The following RNF19B variants were observed in gnomAD, a reference collection of about 807,000 sequenced individuals.
The protein encoded by RNF19B is E3 ubiquitin-protein ligase RNF19B.
Under a neutral mutation model 65.5 loss-of-function variants are expected in RNF19B, and 23 were observed. The observed-to-expected ratio is 0.35, with a 90% CI of 0.25 to 0.50. The LOEUF (loss-of-function observed/expected upper bound fraction) is 0.50, where lower values mean the gene tolerates loss of function less well. RNF19B is among the 20% of genes least tolerant of loss of function. The pLI is 0.98. For missense variants in RNF19B, 794 were observed against 980.0 expected, an observed-to-expected ratio of 0.81 and a Z score of 2.53; for synonymous variants, 372 against 379.6, an observed-to-expected ratio of 0.98 and a Z score of 0.23.
chr1:32,962,530 G>A (rs1246337269), intron 1 of RNF19B, among the ~76,000 whole-genome samples: 4 of 152,072 alleles, frequency 2.6e-5, no homozygotes, highest in African/African-American at 9.7e-5. Context: ...AACAAGTTTG[G>A]CAGAATTAAA....
At chr1:32,955,070 A>G (rs1182368560) in intron 1 of RNF19B, among the ~76,000 whole-genome samples, 1 of 152,136 alleles carries the variant, frequency 6.6e-6, no homozygotes, top group East Asian at 1.9e-4. Context: ...CAATTATTTT[A>G]TAACACTTAC....
chr1:32,944,317 G>C (rs1437418392), intron 5 of RNF19B, among the ~76,000 whole-genome samples, 158 bp from the exon 6 acceptor site: 1 of 152,188 alleles, frequency 6.6e-6, no homozygotes, highest in Non-Finnish European at 1.5e-5. Flanking sequence ...ATGATGACCA[G>C]GCTAGAAATC....
chr1:32,934,305 G>A (rs1289989723), downstream of RNF19B, among the ~76,000 whole-genome samples: 1 of 152,226 alleles, frequency 6.6e-6, no homozygotes, highest in Non-Finnish European at 1.5e-5. Flanking sequence ...AAGTCATCTG[G>A]TCTTCAGGGA....
chr1:32,932,715 C>T (rs75450288), downstream of RNF19B, among the ~76,000 whole-genome samples: 739 of 152,274 alleles, frequency 4.9e-3, 4 homozygotes, highest in African/African-American at 0.016. Context: ...CTCCTCCTGG[C>T]CCAAAGAAAT....
intron 4 of RNF19B, 46 bp downstream of exon 4, chr1:32,946,356 G>T: frequency 1.9e-6 from 3 of 1,572,524 alleles, no homozygotes; most frequent in South Asian, 1.1e-5. Flanking sequence ...CTTTACTAAC[G>T]AACCTAAAGT....
chr1:32,938,469 C>A lies in RNF19B; in HGVS notation c.1670G>T (p.Gly557Val). ...EIFPKDTASL[G>V]AISDNASTRA... ...AGTGCTTGCGTTGTCACTAATTGCA[C>A]CAAGACTGGCTGTGTCTTTGGGGAA... is the stretch of plus-strand genomic sequence containing the variant. The change falls in exon 8 of 9, where the codon GGT becomes GTT. Residue 557 changes from glycine to valine, a missense_variant. Around this residue, in one of 3 missense-constraint regions of RNF19B, gnomAD observed 368 missense variants for 447.3 expected, o/e 0.82. Coordinates refer to ENST00000235150, the MANE Select transcript of RNF19B (RefSeq NM_001300826.2). 6.2e-7 allele frequency: 1 copy of A among 1,614,198 alleles called. No homozygotes were observed. The highest frequency in any genetic ancestry group is 8.5e-7 in the Non-Finnish European group (1 of 1,180,036).
downstream of RNF19B, among the ~76,000 whole-genome samples, chr1:32,934,591 G>C (rs1642067374): frequency 6.6e-6 from 1 of 152,050 alleles, no homozygotes; most frequent in African/African-American, 2.4e-5. Context: ...TGAGACTTGA[G>C]AATCACTTGA....
At chr1:32,953,582 T>G (rs1038799998) in intron 1 of RNF19B, among the ~76,000 whole-genome samples, 1 of 152,054 alleles carries the variant, frequency 6.6e-6, no homozygotes, top group African/African-American at 2.4e-5. Flanking sequence ...TTAAAACTCT[T>G]TTCAGAAAGA....
chr1:32,938,857 C>A (rs1642169593), intron 7 of RNF19B, among the ~76,000 whole-genome samples: 1 of 152,162 alleles, frequency 6.6e-6, no homozygotes, highest in African/African-American at 2.4e-5. Flanking sequence ...TGAATAAAGA[C>A]CCAATCACTC....
At chr1:32,933,207 CTGTA>C (rs138841400), downstream of RNF19B, among the ~76,000 whole-genome samples, 1 of 152,134 alleles carries the variant, frequency 6.6e-6, no homozygotes, top group African/African-American at 2.4e-5. Flanking sequence ...TGAATGAAGG[CTGTA>C]TGAAGAGGAA....
chr1:32,941,299 C>T (rs893558734), intron 7 of RNF19B, among the ~76,000 whole-genome samples: 2 of 152,090 alleles, frequency 1.3e-5, no homozygotes, highest in Non-Finnish European at 2.9e-5. Context: ...AATCCCAGCA[C>T]TTTGGGAGGC....
chr1:32,936,768 A>C lies in RNF19B; in HGVS notation c.*38T>G. ...AAAAAAAATTCCAAAAGATGCAGTT[A>C]CAAGTGTGCTTCTCAGAACAGGAGC... On this transcript the variant is annotated 3_prime_UTR_variant, in exon 9 of 9. Transcript: ENST00000235150. The C allele has an allele frequency of 6.8e-7, 1 of 1,461,580 alleles. No individual in the cohort carries two copies. Among genetic ancestry groups the C allele is most frequent in the Non-Finnish European group, 9.1e-7 (1 of 1,101,674 alleles). 90.5% of individuals were successfully genotyped at this position (1,461,580 alleles called of 1,614,324 possible).
intron 8 of RNF19B, 188 bp downstream of exon 8, chr1:32,938,209 C>T: frequency 4.5e-6 from 2 of 441,568 alleles, no homozygotes; most frequent in Non-Finnish European, 4.0e-6. Flanking sequence ...AAAAATCAAG[C>T]GCTAACAAGA....
At chr1:32,956,269 C>A (rs570461932) in intron 1 of RNF19B, among the ~76,000 whole-genome samples, 2 of 152,090 alleles carry the variant, frequency 1.3e-5, no homozygotes. Flanking sequence ...CCCAGCTACT[C>A]GGGAGGCTGA....
At position 32,946,516 on chromosome 1, in the gene RNF19B, C is replaced by T; in HGVS notation, c.1032G>A (p.Lys344=). 3.1e-6 allele frequency: 5 copies of T among 1,614,170 alleles called. No homozygotes were observed. Among genetic ancestry groups the T allele is most frequent in the Non-Finnish European group, 4.2e-6 (5 of 1,180,020 alleles). Residue 344 remains lysine (K), a synonymous_variant, in exon 4 of 9, where the codon AAG becomes AAA. Coordinates refer to ENST00000235150, the MANE Select transcript of RNF19B (RefSeq NM_001300826.2). ...FWGKKPWSRK[K]KILWQLGTLI... ...ACGTGCCCAGCTGCCAAAGAATTTT[C>T]TTCTTACGGCTCCATGGCTTCTTGC...
downstream of RNF19B, among the ~76,000 whole-genome samples, chr1:32,933,262 T>A (rs930301605): frequency 3.5e-5 from 5 of 144,818 alleles, no homozygotes; most frequent in African/African-American, 7.3e-5. Context: ...TTATTATTTT[T>A]TTTTTTTTGT....
chr1:32,941,470 G>C (rs753161582), intron 7 of RNF19B, among the ~76,000 whole-genome samples: 1 of 152,146 alleles, frequency 6.6e-6, no homozygotes, highest in African/African-American at 2.4e-5. Flanking sequence ...AACCCAGGAG[G>C]TGGAGGCTGC....
At chr1:32,946,888 C>T (rs1363768277) in intron 3 of RNF19B, among the ~76,000 whole-genome samples, 1 of 152,196 alleles carries the variant, frequency 6.6e-6, no homozygotes, top group Admixed American at 6.5e-5. Context: ...TGCTGCATAG[C>T]CTTATGCACT....
chr1:32,960,718 T>G (rs1269826176), intron 1 of RNF19B, among the ~76,000 whole-genome samples: 1 of 152,020 alleles, frequency 6.6e-6, no homozygotes, highest in Admixed American at 6.6e-5. Context: ...TTTTTTTTCC[T>G]GGCATTAAAA....
Sources: gnomAD v4.1 joint callset for allele counts (sites outside exome capture counted in the v4.1 genomes callset) on GRCh38, gnomAD v4.1.1 for gene constraint, gnomAD v4.1.1 regional missense constraint, MANE v1.5 for transcripts, NCBI Gene and HGNC (gene_info 2026-07-23, HGNC 2026-07-21) for gene names.